The following ADAMTS13 variants were observed in gnomAD, a reference collection of about 807,000 sequenced individuals.
ADAMTS13 encodes ADAM metallopeptidase with thrombospondin type 1 motif 13, also known as A disintegrin and metalloproteinase with thrombospondin motifs 13.
In ADAMTS13, 110 loss-of-function variants were observed where a neutral mutation model predicts 155.1. The ratio of observed to expected loss-of-function variants is 0.71; its 90% CI spans 0.61 to 0.83. ADAMTS13 has a LOEUF of 0.83. Among genes scored for constraint, ADAMTS13 ranks in the 40% least tolerant of loss-of-function variants. The pLI is 0.00. For missense variants in ADAMTS13, 1,707 were observed against 1,891.7 expected (o/e 0.90, Z 1.81); for synonymous variants, 758 against 756.4 (o/e 1.00, Z -0.03).
At chr9:133,422,655 G>A (rs587607531) in intron 1 of ADAMTS13, 107 bp downstream of exon 1, 4 of 1,108,166 alleles carry the variant, frequency 3.6e-6, no homozygotes, top group South Asian at 2.6e-5. Context: ...TCAGCTTTGG[G>A]GTTTGCGCTG....
chr9:133,444,879 C>T lies in ADAMTS13; in HGVS notation c.2437C>T (p.Pro813Ser), dbSNP rs1353128107. ...CATCCTCAGGTGGGAGGTGTCAGAG[C>T]CCAGCTCATGCACATCAGCTGGTGG... ...PCPARWEVSE[P>S]SSCTSAGGAG... The change falls in exon 20 of 29, where the codon CCC (proline) becomes TCC (serine). Residue 813 changes from proline (P) to serine (S), a missense_variant. Pro to Ser is a moderately conservative substitution (Grantham distance 74). Transcript: ENST00000355699. 1 of 1,612,932 alleles carries T rather than the reference C, an allele frequency of 6.2e-7. No individual in the cohort carries two copies. Among genetic ancestry groups the T allele is most frequent in the Non-Finnish European group, 8.5e-7 (1 of 1,180,014 alleles).
chr9:133,433,634 T>C lies in ADAMTS13; in HGVS notation c.1245-7T>C. The C allele has an allele frequency of 1.2e-6, 2 of 1,613,846 alleles. No homozygotes were observed. The highest frequency in any genetic ancestry group is 1.7e-6 in the Non-Finnish European group (2 of 1,179,890). ...CTCTCACCCTCCTGTCTGCTGGGCA[T>C]TTTCAGACCTGCCTTTGGGGGGCGT... On this transcript the variant is annotated splice_region_variant and splice_polypyrimidine_tract_variant and intron_variant, in intron 10 of 28. Transcript: ENST00000355699.
In ADAMTS13 at chr9:133,424,218, T is replaced by C. The variant is rs917611019; in HGVS notation, c.173-103T>C. 7.6e-5 allele frequency: 119 copies of C among 1,562,826 alleles called. No individual in the cohort carries two copies. The highest frequency in any genetic ancestry group is 1.0e-4 in the Non-Finnish European group (115 of 1,148,568). On this transcript the variant is annotated intron_variant, in intron 2 of 28. Transcript: ENST00000355699. This position sits in a 1 kb window ranked among gnomAD's most constrained non-coding sequence, Gnocchi z 4.3. ...TGGGGGTGACACGCAATGTCTTGAC[T>C]TCGGAAGGCCATCCTTCCAAGACCT...
chr9:133,456,283 A>G lies in ADAMTS13; in HGVS notation c.3547+68A>G. The G allele has an allele frequency of 6.2e-7, 1 of 1,607,856 alleles. No homozygotes were observed. The highest frequency in any genetic ancestry group is 8.5e-7 in the Non-Finnish European group (1 of 1,177,718). ...CTGCCAGGAGCCAGCACGACGCTGCATGCCCCATTCCTGGCAGGAGCCCAT... is the reference window on the plus strand; with the variant it reads ...CTGCCAGGAGCCAGCACGACGCTGCGTGCCCCATTCCTGGCAGGAGCCCAT... On this transcript the variant is annotated intron_variant, in intron 26 of 28. Transcript: ENST00000355699. The surrounding 1 kb of genome is among the most constrained non-coding windows in gnomAD (Gnocchi z 4.4).
At chr9:133,452,772 G>A (rs1010225746) in intron 23 of ADAMTS13, among the ~76,000 whole-genome samples, 1 of 152,100 alleles carries the variant, frequency 6.6e-6, no homozygotes, top group Non-Finnish European at 1.5e-5. Context: ...AGCCTCCCGA[G>A]TAGCTGGGAT....
chr9:133,417,603 GC>G, upstream of ADAMTS13: 1 of 1,610,146 alleles, frequency 6.2e-7, no homozygotes, highest in Non-Finnish European at 8.5e-7. Context: ...CTCCGCCCGG[GC>G]CCCCTCAAGC....
intron 7 of ADAMTS13, 55 bp downstream of exon 7, chr9:133,428,826 G>C: frequency 8.1e-7 from 1 of 1,234,474 alleles, no homozygotes; most frequent in African/African-American, 1.6e-5. Flanking sequence ...CCGCTGGGCC[G>C]CCAGCGCCAC....
At chr9:133,442,851 C>T in intron 18 of ADAMTS13, 108 bp downstream of exon 18, 1 of 1,459,840 alleles carries the variant, frequency 6.9e-7, no homozygotes, top group Non-Finnish European at 9.1e-7. Context: ...CCGGGCTGAG[C>T]TGCTCCTGTG....
chr9:133,453,753 G>A (rs587666011), intron 23 of ADAMTS13, among the ~76,000 whole-genome samples: 26 of 152,330 alleles, frequency 1.7e-4, no homozygotes, highest in African/African-American at 6.3e-4. Context: ...GCTCATGCCA[G>A]TGATGCCCCA....
chr9:133,442,562 G>A, intron 17 of ADAMTS13, 28 bp downstream of exon 17: 1 of 1,613,474 alleles, frequency 6.2e-7, no homozygotes, highest in South Asian at 1.1e-5. Flanking sequence ...CTCATCCACA[G>A]CACGGCTTGC....
At chr9:133,419,982 G>A (rs1261195887), upstream of ADAMTS13, among the ~76,000 whole-genome samples, 7 of 149,326 alleles carry the variant, frequency 4.7e-5, no homozygotes, top group Admixed American at 6.7e-5. Flanking sequence ...TCGGCTCACC[G>A]CAACCTCCAC....
chr9:133,443,656 G>C, intron 19 of ADAMTS13, 95 bp downstream of exon 19: 2 of 1,377,208 alleles, frequency 1.5e-6, no homozygotes, highest in South Asian at 1.5e-5. Flanking sequence ...CCCTCCTCCT[G>C]AGGCCTCCGG....
chr9:133,454,733 G>A (rs1223045470), intron 24 of ADAMTS13, 114 bp downstream of exon 24: 1 of 1,325,690 alleles, frequency 7.5e-7, no homozygotes, highest in Non-Finnish European at 1.0e-6. Context: ...CTGAAAGGAA[G>A]GAGAGAGCTG....
At chr9:133,437,231 G>C (rs1841306022) in intron 12 of ADAMTS13, among the ~76,000 whole-genome samples, 1 of 152,120 alleles carries the variant, frequency 6.6e-6, no homozygotes, top group Non-Finnish European at 1.5e-5. Context: ...GGAGATAATC[G>C]GAAAATGCCA....
In ADAMTS13 at chr9:133,454,381, C is replaced by A. The variant is rs1287857566; in HGVS notation, c.3045-34C>A. On this transcript the variant is annotated intron_variant, in intron 23 of 28. Transcript: ENST00000355699. ...TGGGGCAGTACTGTCTCTGGGGAGA[C>A]CTAGCCTCTCTCTGGGGTCTTCTCT... 2 of 1,611,908 alleles carry A rather than the reference C, an allele frequency of 1.2e-6. 1 individual carries two copies. Among genetic ancestry groups the A allele is most frequent in the Non-Finnish European group, 1.7e-6 (2 of 1,178,818 alleles).
chr9:133,457,005 C>A (rs1396815465), intron 27 of ADAMTS13: 7 of 537,636 alleles, frequency 1.3e-5, no homozygotes, highest in Admixed American at 1.3e-4. Context: ...GCCCCACACC[C>A]ACCTGCCCCG....
At position 133,445,583 on chromosome 9, in the gene ADAMTS13, C is replaced by G; in HGVS notation, c.2611-116C>G. 6.5e-7 allele frequency: 1 copy of G among 1,535,054 alleles called. No homozygotes were observed. Reference sequence around the variant, plus strand: ...GCCAAGGGAGGAGGGGAGGGAGCCCCTGGTGCACACACGCCACTTCCTGGT... The same window carrying G: ...GCCAAGGGAGGAGGGGAGGGAGCCCGTGGTGCACACACGCCACTTCCTGGT... On this transcript the variant is annotated intron_variant, in intron 20 of 28. Transcript: ENST00000355699. The surrounding 1 kb of genome is among the most constrained non-coding windows in gnomAD (Gnocchi z 5.0).
chr9:133,443,263 G>A (rs957926283), intron 18 of ADAMTS13, 113 bp from the exon 19 acceptor site: 86 of 1,331,944 alleles, frequency 6.5e-5, no homozygotes, highest in Admixed American at 4.0e-4. Context: ...TAGGCTGGCC[G>A]TAGTGCCCAT....
At chr9:133,418,001 C>T (rs1839784084), upstream of ADAMTS13, 3 of 665,612 alleles carry the variant, frequency 4.5e-6, no homozygotes, top group African/African-American at 5.5e-5. Flanking sequence ...ACCCCGCACG[C>T]GTTGCGCATA....
Sources: gnomAD v4.1 joint callset for allele counts (sites outside exome capture counted in the v4.1 genomes callset) on GRCh38, gnomAD v4.1.1 for gene constraint, Gnocchi (gnomAD v3.1) non-coding constraint, MANE v1.5 for transcripts, NCBI Gene and HGNC (gene_info 2026-07-23, HGNC 2026-07-21) for gene names.